SEPTIN9: variants seen among roughly 807,000 people sequenced by gnomAD.
SEPTIN9 encodes septin 9.
SEPTIN9 carries 13 observed loss-of-function variants against 56.6 expected under a neutral mutation model. The observed-to-expected ratio is 0.23, with a 90% confidence interval of 0.15 to 0.37. The LOEUF is 0.37. Ranked by LOEUF, SEPTIN9 falls within the 10% of genes least tolerant of loss-of-function variation. SEPTIN9 has a pLI of 1.00. For missense variants in SEPTIN9, 650 were observed against 823.1 expected (o/e 0.79, Z 2.57); for synonymous variants, 332 against 334.1 (o/e 0.99, Z 0.07).
chr17:77,486,533 C>T (rs952515482), intron 4 of SEPTIN9, among the ~76,000 whole-genome samples: 1,998 of 115,456 alleles, frequency 0.017, 39 homozygotes, highest in African/African-American at 0.073. Flanking sequence ...CGCGCACGCG[C>T]GCGCGTGTTA....
At chr17:77,335,205 C>T (rs574082785) in intron 2 of SEPTIN9, among the ~76,000 whole-genome samples, 3 of 151,214 alleles carry the variant, frequency 2.0e-5, no homozygotes, top group African/African-American at 7.3e-5. Flanking sequence ...CATGTAGGCC[C>T]TGTGTTGACT....
rs1191210928 is a variant in SEPTIN9, at chr17:77,413,926, A to G, written c.721+11223A>G. 2.0e-5 allele frequency among the ~76,000 whole-genome samples: 3 copies of G among 148,102 alleles called. No individual in the cohort carries two copies. The East Asian group carries it at 5.9e-4, about 29-fold the overall frequency. On this transcript the variant is annotated intron_variant, in intron 3 of 11. Transcript: ENST00000427177. ...TTCTTACCTTTACCATGCGTGTGCT[A>G]CACTCAGTATTTTCTTTTTTTTTTT...
chr17:77,470,017 A>G (rs560980546), intron 3 of SEPTIN9, among the ~76,000 whole-genome samples: 1 of 147,090 alleles, frequency 6.8e-6, no homozygotes, highest in East Asian at 2.0e-4. Flanking sequence ...CCACCCATCC[A>G]CTCATCCACC....
rs377350921 is a variant in SEPTIN9, at chr17:77,450,484, G to A, written c.722-31660G>A. 3.3e-5 allele frequency: 33 copies of A among 985,260 alleles called. No individual in the cohort carries two copies. In the African/African-American group the frequency reaches 4.0e-4, roughly 12 times the overall value. The allele number at this position is 985,260 out of a possible 1,614,324, so 61.0% of individuals were successfully genotyped here. The stretch of plus-strand genomic sequence containing the variant: ...CCTCGGAACGAGCCCACTCCCAGGC[G>A]CTCTCTCCTAGTGTGGGAGTGGCCA... On this transcript the variant is annotated intron_variant, in intron 3 of 11. Transcript: ENST00000427177. The surrounding 1 kb of genome is among the most constrained non-coding windows in gnomAD (Gnocchi z 6.0).
chr17:77,373,693 G>C (rs189169886), intron 2 of SEPTIN9: 3 of 1,361,428 alleles, frequency 2.2e-6, no homozygotes, highest in Non-Finnish European at 2.9e-6. Flanking sequence ...GCGCCCTCCC[G>C]CTGAGAGCGC....
chr17:77,395,643 G>A (rs1444383604), intron 2 of SEPTIN9, among the ~76,000 whole-genome samples: 7 of 151,978 alleles, frequency 4.6e-5, no homozygotes, highest in East Asian at 1.9e-4. Flanking sequence ...AACACCCACC[G>A]CCATTCATTC....
At chr17:77,385,897 C>G (rs1331302463) in intron 2 of SEPTIN9, among the ~76,000 whole-genome samples, 1 of 152,222 alleles carries the variant, frequency 6.6e-6, no homozygotes, top group Admixed American at 6.5e-5. Context: ...GCGGCTGTGC[C>G]TTTGGAAACT....
chr17:77,467,618 A>G (rs1419165749), intron 3 of SEPTIN9, among the ~76,000 whole-genome samples: 5 of 152,146 alleles, frequency 3.3e-5, no homozygotes, highest in Admixed American at 6.5e-5. Context: ...AAGCCCATCC[A>G]TCCTTCCGCC....
chr17:77,428,315 G>C (rs1772716026), intron 3 of SEPTIN9, among the ~76,000 whole-genome samples: 1 of 152,216 alleles, frequency 6.6e-6, no homozygotes, highest in South Asian at 2.1e-4. Context: ...TCAACCATTG[G>C]CAAAGTGTTC....
In SEPTIN9 at chr17:77,490,852, A is replaced by G. The variant is rs1250865590; in HGVS notation, c.1373A>G (p.Lys458Arg). The change falls in exon 8 of 12, where the codon AAA (lysine) becomes AGA (arginine). Residue 458 changes from lysine to arginine, a missense_variant. Lys to Arg is a conservative substitution (Grantham distance 26). Around this residue, in one of 2 missense-constraint regions of SEPTIN9, gnomAD observed 333 missense variants for 494.0 expected, o/e 0.67. Coordinates refer to ENST00000427177, the MANE Select transcript of SEPTIN9 (RefSeq NM_001113491.2). ...TLTLEERVHFKQRITADLLSN... is the reference protein window; with the variant it reads ...TLTLEERVHFRQRITADLLSN... Reference sequence around the variant, plus strand: ...ACCCTGGAGGAGAGGGTCCACTTCAAACAGCGGGTAGGGTTCCATCTCTAC... The same window carrying G: ...ACCCTGGAGGAGAGGGTCCACTTCAGACAGCGGGTAGGGTTCCATCTCTAC... 2 of 1,574,854 alleles carry G rather than the reference A, an allele frequency of 1.3e-6. No individual in the cohort carries two copies. Among genetic ancestry groups the G allele is most frequent in the Non-Finnish European group, 1.7e-6 (2 of 1,159,772 alleles).
chr17:77,403,552 G>C (rs573727268), intron 3 of SEPTIN9, among the ~76,000 whole-genome samples: 30 of 152,300 alleles, frequency 2.0e-4, no homozygotes, highest in Admixed American at 7.2e-4. Context: ...GGACATGGTT[G>C]GGTCCCTTCT....
intron 3 of SEPTIN9, among the ~76,000 whole-genome samples, chr17:77,422,502 G>C (rs1598350006): frequency 6.6e-6 from 1 of 152,126 alleles, no homozygotes; most frequent in African/African-American, 2.4e-5. Context: ...AGAGTTCTAG[G>C]TGGAGGATGG....
At chr17:77,368,373 G>A (rs1330305432) in intron 2 of SEPTIN9, among the ~76,000 whole-genome samples, 6 of 151,438 alleles carry the variant, frequency 4.0e-5, no homozygotes, top group South Asian at 2.1e-4. Context: ...GTGCACTGGC[G>A]TGATCTTGGC....
chr17:77,424,412 T>A (rs2036822236), intron 3 of SEPTIN9, among the ~76,000 whole-genome samples: 1 of 152,232 alleles, frequency 6.6e-6, no homozygotes, highest in African/African-American at 2.4e-5. Context: ...ACCTACCAGC[T>A]GTTCCATTAT....
intron 2 of SEPTIN9, among the ~76,000 whole-genome samples, chr17:77,324,036 T>C (rs1334100087): frequency 2.0e-5 from 3 of 152,238 alleles, no homozygotes; most frequent in African/African-American, 7.2e-5. Flanking sequence ...AGCCTGCTTC[T>C]CGCCTCTGGC....
At chr17:77,376,342 G>T in intron 2 of SEPTIN9, 4 of 985,724 alleles carry the variant, frequency 4.1e-6, no homozygotes, top group Non-Finnish European at 4.8e-6. Context: ...GAGCAGCGCC[G>T]TGGGAGCACA....
chr17:77,404,687 G>A (rs2036005899), intron 3 of SEPTIN9, among the ~76,000 whole-genome samples: 1 of 152,180 alleles, frequency 6.6e-6, no homozygotes, highest in African/African-American at 2.4e-5. Flanking sequence ...GTGCACATTT[G>A]TCTTGGCGGG....
chr17:77,479,528 C>T (rs977881483), intron 3 of SEPTIN9, among the ~76,000 whole-genome samples: 2 of 152,234 alleles, frequency 1.3e-5, no homozygotes, highest in African/African-American at 4.8e-5. Flanking sequence ...AAGCCACTGC[C>T]CTACGTCAAT....
At position 77,427,657 on chromosome 17, in the gene SEPTIN9, G is replaced by A. The variant is rs1352170523; in HGVS notation, c.721+24954G>A. Among the ~76,000 whole-genome samples the A allele has an allele frequency of 3.9e-5, 6 of 152,330 alleles. 1 individual carries two copies. The highest frequency in any genetic ancestry group is 2.9e-5 in the Non-Finnish European group (2 of 68,024). On this transcript the variant is annotated intron_variant, in intron 3 of 11. Transcript: ENST00000427177. The stretch of plus-strand genomic sequence containing the variant: ...TGTCAGCCTTCGGGGAGGGAAGGAC[G>A]GCAGGGGGCCTGGAGCATCTCCTTT...
Sources: gnomAD v4.1 joint callset for allele counts (sites outside exome capture counted in the v4.1 genomes callset) on GRCh38, gnomAD v4.1.1 for gene constraint, gnomAD v4.1.1 regional missense constraint, Gnocchi (gnomAD v3.1) non-coding constraint, MANE v1.5 for transcripts, NCBI Gene and HGNC (gene_info 2026-07-23, HGNC 2026-07-21) for gene names.